DOCK8: variants seen among roughly 807,000 people sequenced by gnomAD.
The protein encoded by DOCK8 is dedicator of cytokinesis protein 8.
DOCK8 carries 141 observed loss-of-function variants against 245.6 expected under a neutral mutation model. The observed-to-expected ratio is 0.57, with a 90% CI of 0.50 to 0.66. The LOEUF (loss-of-function observed/expected upper bound fraction) is 0.66. DOCK8 is among the 30% of genes least tolerant of loss of function. DOCK8 has a pLI of 0.00. For missense variants in DOCK8, 2,965 were observed against 2,603.4 expected (o/e 1.14, Z -3.02); for synonymous variants, 1,168 against 970.2 (o/e 1.20, Z -3.79).
chr9:424,243 C>CTGGGGAGCACATTAGAATCACT lies in DOCK8; in HGVS notation c.4241+2116_4241+2117insACATTAGAATCACTTGGGGAGC, dbSNP rs1183521099. Reference sequence around the variant, plus strand: ...AACTTAGGCTGCACATTAGAATCACCTGGGGAGCTTTAAAACCTGTCAGTG... The same window carrying CTGGGGAGCACATTAGAATCACT: ...AACTTAGGCTGCACATTAGAATCACCTGGGGAGCACATTAGAATCACTTGGGGAGCTTTAAAACCTGTCAGTG... On this transcript the variant is annotated intron_variant, in intron 33 of 47. Transcript: ENST00000432829. Among the ~76,000 whole-genome samples the CTGGGGAGCACATTAGAATCACT allele has an allele frequency of 2.5e-3, 380 of 152,048 alleles. 1 individual carries two copies. The highest frequency in any genetic ancestry group is 8.9e-3 in the African/African-American group (371 of 41,492).
Position 432,322 on chromosome 9 carries a change from C to A in DOCK8, c.4783C>A (p.Gln1595Lys). Residue 1595 changes from glutamine (Q) to lysine (K), a missense_variant and splice_region_variant, in exon 37 of 48, where the codon CAG becomes AAG. This residue lies in a region of DOCK8 where 2,825 missense variants were observed against 2,453.5 expected (regional missense o/e 1.15). Transcript: ENST00000432829. ...TAMQMTPFPT[Q>K]VEELLCNLNS... The stretch of plus-strand genomic sequence containing the variant: ...CATGCAGATGACTCCTTTTCCCACC[C>A]AGGTACACCGAAGCACATACCTTGT... 6.2e-7 allele frequency: 1 copy of A among 1,614,016 alleles called. No homozygotes were observed. The highest frequency in any genetic ancestry group is 8.5e-7 in the Non-Finnish European group (1 of 1,179,996).
At chr9:226,064 T>C (rs947794086) in intron 1 of DOCK8, among the ~76,000 whole-genome samples, 7 of 152,294 alleles carry the variant, frequency 4.6e-5, no homozygotes, top group African/African-American at 1.7e-4. Context: ...TCCATTTTCA[T>C]ACTGCTATGA....
At chr9:230,826 A>G (rs1460543828) in intron 1 of DOCK8, among the ~76,000 whole-genome samples, 2 of 152,092 alleles carry the variant, frequency 1.3e-5, no homozygotes, top group South Asian at 4.1e-4. Context: ...AGTAGGTTGC[A>G]AAAATTTTCT....
chr9:377,520 T>C (rs1344795824), intron 20 of DOCK8, among the ~76,000 whole-genome samples: 1 of 152,256 alleles, frequency 6.6e-6, no homozygotes, highest in Non-Finnish European at 1.5e-5. Flanking sequence ...GAAGATATTT[T>C]TGTTTTCTTG....
chr9:463,719 T>C (rs1564098168), intron 47 of DOCK8, 32 bp downstream of exon 47: 1 of 1,613,140 alleles, frequency 6.2e-7, no homozygotes, highest in Non-Finnish European at 8.5e-7. Flanking sequence ...CCTCTTCCTG[T>C]GGGATAAAGA....
At chr9:226,773 A>G (rs1033276251) in intron 1 of DOCK8, among the ~76,000 whole-genome samples, 1 of 152,212 alleles carries the variant, frequency 6.6e-6, no homozygotes, top group Admixed American at 6.5e-5. Flanking sequence ...TAGACATTCA[A>G]GTAGAATTAG....
At chr9:399,118 A>G (rs752566941) in intron 25 of DOCK8, 28 bp from the exon 26 acceptor site, 1 of 1,602,456 alleles carries the variant, frequency 6.2e-7, no homozygotes, top group South Asian at 1.1e-5. Flanking sequence ...GTCCCACAAA[A>G]TGATTTGGGT....
chr9:410,208 G>A (rs2055656984), intron 28 of DOCK8, among the ~76,000 whole-genome samples: 1 of 152,072 alleles, frequency 6.6e-6, no homozygotes. Context: ...ATATATTTGA[G>A]TAACCACCAG....
rs777763204 is a variant in DOCK8 at position 340,360 on chromosome 9, A to G, written c.1679+39A>G. 2.1e-5 allele frequency: 34 copies of G among 1,612,408 alleles called. 1 individual carries two copies. Among genetic ancestry groups the G allele is most frequent in the South Asian group, 1.3e-4 (12 of 91,032 alleles). On this transcript the variant is annotated intron_variant, in intron 14 of 47. Coordinates refer to ENST00000432829, the MANE Select transcript of DOCK8 (RefSeq NM_203447.4). ...GCTCGGGCTGGGCGTGGTGGCTTAC[A>G]CCATAATCCCATAACTTTGGGAGGC...
intron 46 of DOCK8, among the ~76,000 whole-genome samples, chr9:457,227 A>T (rs2057667997): frequency 6.6e-6 from 1 of 152,010 alleles, no homozygotes; most frequent in Non-Finnish European, 1.5e-5. Context: ...GGTTGGGAAT[A>T]TGGGCACTCA....
In DOCK8 at chr9:334,303, G is replaced by A; in HGVS notation, c.1204G>A (p.Ala402Thr). ...TTTGGGGAAATACCGGATGCCCTTT[G>A]CCTGGGCACCCATAAGCTTATCAAG... is the stretch of plus-strand genomic sequence containing the variant. ...QRLGKYRMPF[A>T]WAPISLSSFF... is the part of the protein sequence containing the mutation. The change falls in exon 11 of 48, where the codon GCC becomes ACC. Residue 402 changes from alanine (A) to threonine (T), a missense_variant. By Grantham distance (58) the Ala-to-Thr change is moderately conservative (BLOSUM62 0). This residue lies in a region of DOCK8 where 2,825 missense variants were observed against 2,453.5 expected (regional missense o/e 1.15). Transcript: ENST00000432829. 1 of 1,614,152 alleles carries A rather than the reference G, an allele frequency of 6.2e-7. No homozygotes were observed. The highest frequency in any genetic ancestry group is 8.5e-7 in the Non-Finnish European group (1 of 1,180,002).
At chr9:425,404 C>T (rs1057452537) in intron 33 of DOCK8, among the ~76,000 whole-genome samples, 53 of 152,036 alleles carry the variant, frequency 3.5e-4, no homozygotes, top group Admixed American at 1.0e-3. Context: ...CGGTGGCGGG[C>T]GCCTGTAGTC....
chr9:442,745 A>T (rs920747076), intron 42 of DOCK8, among the ~76,000 whole-genome samples: 4 of 152,152 alleles, frequency 2.6e-5, no homozygotes, highest in African/African-American at 9.7e-5. Flanking sequence ...GCAATTACCA[A>T]GCAGGACTGG....
chr9:260,138 A>G (rs1227057481), intron 1 of DOCK8, among the ~76,000 whole-genome samples: 2 of 152,340 alleles, frequency 1.3e-5, no homozygotes, highest in South Asian at 2.1e-4. Context: ...CACATCTGCA[A>G]CTGGGACTTT....
intron 1 of DOCK8, among the ~76,000 whole-genome samples, chr9:218,227 C>G (rs1383104502): frequency 6.6e-6 from 1 of 152,098 alleles, no homozygotes; most frequent in Non-Finnish European, 1.5e-5. Context: ...CCTTACTACT[C>G]AGAATAGTGT....
At chr9:314,768 A>G (rs1382402269) in intron 6 of DOCK8, among the ~76,000 whole-genome samples, 4 of 152,078 alleles carry the variant, frequency 2.6e-5, no homozygotes, top group African/African-American at 9.7e-5. Context: ...CTACTCTGAC[A>G]TGATTACAAA....
intron 46 of DOCK8, chr9:456,938 T>G (rs563109785): frequency 6.6e-6 from 1 of 152,226 alleles, no homozygotes; most frequent in Non-Finnish European, 1.5e-5. Context: ...AGCTTGCCTT[T>G]AAGAGAAGTA....
At chr9:292,226 C>T (rs559530108) in intron 4 of DOCK8, among the ~76,000 whole-genome samples, 4 of 150,200 alleles carry the variant, frequency 2.7e-5, no homozygotes, top group African/African-American at 7.4e-5. Context: ...CAAAATTAAC[C>T]GGGCATGGTG....
chr9:338,958 C>T (rs1320595970), intron 12 of DOCK8, 48 bp from the exon 13 acceptor site: 2 of 1,529,868 alleles, frequency 1.3e-6, no homozygotes, highest in Admixed American at 3.3e-5. Flanking sequence ...GTCCCCAACC[C>T]AAGAGTCAAA....
Sources: allele counts gnomAD v4.1 joint callset (sites outside exome capture counted in the v4.1 genomes callset), GRCh38; gene constraint gnomAD v4.1.1; regional missense constraint gnomAD v4.1.1; transcripts MANE v1.5; gene names NCBI Gene and HGNC (gene_info 2026-07-23, HGNC 2026-07-21).